RP1: variants seen among roughly 807,000 people sequenced by gnomAD.
RP1 encodes RP1 axonemal microtubule associated.
Under a neutral mutation model 14.8 loss-of-function variants are expected in RP1, and 16 were observed. The ratio of observed to expected loss-of-function variants is 1.08; its 90% CI spans 0.73 to 1.65. The LOEUF (loss-of-function observed/expected upper bound fraction) is 1.65, where lower values mean the gene tolerates loss of function less well. Ranked by LOEUF, RP1 falls within the 40% of genes most tolerant of loss-of-function variation. The pLI is 0.00. For missense variants in RP1, 2,631 were observed against 2,535.0 expected (o/e 1.04, Z -0.81); for synonymous variants, 876 against 883.6 (o/e 0.99, Z 0.15).
chr8:54,812,421 GT>G (rs1419875488), intron 24 of RP1, among the ~76,000 whole-genome samples: 4 of 152,128 alleles, frequency 2.6e-5, no homozygotes, highest in Non-Finnish European at 5.9e-5. Flanking sequence ...GATTACAGGC[GT>G]GAGCCACTGT....
At position 54,856,844 on chromosome 8, in the gene RP1, C is replaced by T. The variant is rs1331063058; in HGVS notation, c.3991-184C>T. On this transcript the variant is annotated intron_variant, in intron 26 of 28. Transcript: ENST00000637698. Reference sequence around the variant, plus strand: ...GACTTAGGAGAGCAAGAATTATATTCTACATGTTTTTGTGTCTCTCACAAA... The same window carrying T: ...GACTTAGGAGAGCAAGAATTATATTTTACATGTTTTTGTGTCTCTCACAAA... Among the ~76,000 whole-genome samples the T allele has an allele frequency of 3.9e-5, 6 of 152,222 alleles. No individual in the cohort carries two copies. In the East Asian group the frequency reaches 9.6e-4, roughly 24 times the overall value.
At chr8:54,837,428 C>T (rs1585734910) in intron 24 of RP1, 1 of 1,118,160 alleles carries the variant, frequency 8.9e-7, no homozygotes, top group Non-Finnish European at 1.1e-6. Context: ...GTTTTAGTTC[C>T]CTTTTATCCT....
intron 25 of RP1, among the ~76,000 whole-genome samples, chr8:54,845,619 C>G (rs1469529081): frequency 3.9e-5 from 6 of 152,194 alleles, no homozygotes; most frequent in Admixed American, 2.0e-4. Context: ...ACACAATTAC[C>G]AAATATTCTT....
chr8:54,838,710 A>AGTGT (rs68010428), intron 25 of RP1, among the ~76,000 whole-genome samples: 6 of 150,770 alleles, frequency 4.0e-5, no homozygotes, highest in Non-Finnish European at 8.9e-5. Flanking sequence ...TGTGTGTATG[A>AGTGT]GTGTGTGTGT....
At chr8:54,870,256 T>A (rs1812559114) in exon 29 of RP1, 1 of 234,164 alleles carries the variant, frequency 4.3e-6, no homozygotes, top group Non-Finnish European at 8.2e-6. Context: ...CCTTCTTTCT[T>A]TTCCTTTTTC....
chr8:54,657,429 A>G (rs1196740315), intron 6 of RP1, among the ~76,000 whole-genome samples: 1 of 152,216 alleles, frequency 6.6e-6, no homozygotes, highest in Non-Finnish European at 1.5e-5. Flanking sequence ...GTTTCAGGAC[A>G]TGGCTTGGTA....
intron 1 of RP1, among the ~76,000 whole-genome samples, chr8:54,600,652 A>T (rs937512105): frequency 6.6e-6 from 1 of 152,058 alleles, no homozygotes; most frequent in African/African-American, 2.4e-5. Flanking sequence ...GGAGAAGGGC[A>T]CAGGTCGAGG....
At chr8:54,788,781 A>G (rs1360644318) in intron 24 of RP1, among the ~76,000 whole-genome samples, 2 of 152,232 alleles carry the variant, frequency 1.3e-5, no homozygotes, top group East Asian at 3.8e-4. Flanking sequence ...TGATATCAGC[A>G]AGATAATAGA....
intron 23 of RP1, chr8:54,783,432 G>A: frequency 2.0e-6 from 1 of 496,454 alleles, no homozygotes; most frequent in East Asian, 3.5e-5. Flanking sequence ...TTTAGTACTT[G>A]ATTTCACGAA....
At chr8:54,666,683 G>A (rs536204248) in intron 7 of RP1, among the ~76,000 whole-genome samples, 2 of 152,070 alleles carry the variant, frequency 1.3e-5, no homozygotes, top group African/African-American at 2.4e-5. Flanking sequence ...CCTGACCCCG[G>A]GACAGCAGCT....
chr8:54,609,219 G>A (rs548231413), intron 1 of RP1, among the ~76,000 whole-genome samples: 37 of 152,164 alleles, frequency 2.4e-4, no homozygotes, highest in African/African-American at 8.7e-4. Flanking sequence ...ACATTTGTGT[G>A]GGAGGCCAAG....
At chr8:54,822,938 T>G (rs1470417246) in intron 24 of RP1, among the ~76,000 whole-genome samples, 1 of 152,214 alleles carries the variant, frequency 6.6e-6, no homozygotes, top group South Asian at 2.1e-4. Flanking sequence ...TTTTAAATAA[T>G]TACGTATTCC....
intron 24 of RP1, among the ~76,000 whole-genome samples, chr8:54,789,045 T>C (rs1810397642): frequency 6.6e-6 from 1 of 152,208 alleles, no homozygotes; most frequent in South Asian, 2.1e-4. Context: ...GGGTGCTTCA[T>C]GGGAAACTCA....
intron 24 of RP1, chr8:54,783,728 A>G (rs1810248091): frequency 5.7e-6 from 7 of 1,223,706 alleles, no homozygotes; most frequent in Non-Finnish European, 7.1e-6. Context: ...TGATACAGCT[A>G]TAACTTGTTT....
chr8:54,589,088 T>C (rs915445128), intron 1 of RP1, among the ~76,000 whole-genome samples: 9 of 152,172 alleles, frequency 5.9e-5, no homozygotes, highest in Non-Finnish European at 1.2e-4. Flanking sequence ...GAGATAGATG[T>C]CTAGGATCAG....
rs1052958011 is a variant in RP1, at chr8:54,701,419, A to G, written c.1822-67A>G. On this transcript the variant is annotated intron_variant, in intron 13 of 22. Transcript: ENST00000636932. ...GAAGTAGACACCTGTATATGTATAT[A>G]ATGTGATTACATTAAATTTTTTTTT... The G allele has an allele frequency of 2.9e-5, 40 of 1,382,860 alleles. No homozygotes were observed. The African/African-American group carries it at 4.2e-4, about 15-fold the overall frequency. 85.7% of individuals were successfully genotyped at this position (1,382,860 alleles called of 1,614,324 possible). A position where few individuals can be genotyped will look rare whatever the true frequency, so the allele number is the denominator to read the frequency against.
chr8:54,701,898 T>C (rs1808031066), intron 14 of RP1, among the ~76,000 whole-genome samples: 1 of 152,160 alleles, frequency 6.6e-6, no homozygotes, highest in Non-Finnish European at 1.5e-5. Flanking sequence ...AAGTTGGAGA[T>C]TTAACTATGG....
intron 3 of RP1, among the ~76,000 whole-genome samples, chr8:54,645,644 G>T (rs1269828601): frequency 6.6e-6 from 1 of 152,050 alleles, no homozygotes; most frequent in Admixed American, 6.6e-5. Context: ...GGGGGTTATT[G>T]CTCTGCAGTT....
At position 54,843,574 on chromosome 8, in the gene RP1, G is replaced by A. The variant is rs866915034; in HGVS notation, c.3835+5905G>A. On this transcript the variant is annotated intron_variant, in intron 25 of 28. Transcript: ENST00000637698. Reference sequence around the variant, plus strand: ...TCCTGAGATCTGATTTTTTTGGGCCGTATCAATGTGATCTCACCACAATGA... The same window carrying A: ...TCCTGAGATCTGATTTTTTTGGGCCATATCAATGTGATCTCACCACAATGA... Among the ~76,000 whole-genome samples the A allele has an allele frequency of 3.3e-5, 5 of 152,218 alleles. No homozygotes were observed. In the East Asian group the frequency reaches 5.8e-4, roughly 18 times the overall value.
Sources: gnomAD v4.1 joint callset for allele counts (sites outside exome capture counted in the v4.1 genomes callset) on GRCh38, gnomAD v4.1.1 for gene constraint, MANE v1.5 for transcripts, NCBI Gene and HGNC (gene_info 2026-07-23, HGNC 2026-07-21) for gene names.